The following CDKL1 variants were observed in gnomAD, a reference collection of about 807,000 sequenced individuals.
CDKL1 encodes cyclin-dependent kinase-like 1.
A neutral mutation model predicts 42.0 loss-of-function variants in CDKL1; 41 were observed. The ratio of observed to expected loss-of-function variants is 0.98; its 90% CI spans 0.76 to 1.27. The LOEUF (loss-of-function observed/expected upper bound fraction) is 1.27. CDKL1 is among the 50% of genes most tolerant of loss of function. CDKL1 has a pLI of 0.00. For synonymous variants in CDKL1, 153 were observed against 158.6 expected (o/e 0.96, Z 0.26); for missense variants, 394 against 428.4 (o/e 0.92, Z 0.71).
In CDKL1 at chr14:50,390,080, C is replaced by A. The variant is rs551280005; in HGVS notation, c.168+5621G>T. Reference sequence around the variant, plus strand: ...AGTGTAATTTGTGCATCCTAAGTAACAATGATACTTGGCAGTTTGTCCAAA... The same window carrying A: ...AGTGTAATTTGTGCATCCTAAGTAAAAATGATACTTGGCAGTTTGTCCAAA... On this transcript the variant is annotated intron_variant, in intron 2 of 9. Coordinates refer to ENST00000395834, the MANE Select transcript of CDKL1 (RefSeq NM_004196.7). 5.8e-6 allele frequency: 6 copies of A among 1,036,234 alleles called. No individual in the cohort carries two copies. In the East Asian group the frequency reaches 2.9e-4, roughly 50 times the overall value. 64.2% of individuals were successfully genotyped at this position (1,036,234 alleles called of 1,614,324 possible).
At position 50,329,675 on chromosome 14, in the gene CDKL1, C is replaced by G. The variant is rs2032832671; in HGVS notation, c.*399G>C. 6.1e-6 allele frequency: 1 copy of G among 164,262 alleles called. No homozygotes were observed. The highest frequency in any genetic ancestry group is 2.4e-5 in the African/African-American group (1 of 41,498). The allele number at this position is 164,262 out of a possible 1,614,324, so 10.2% of individuals were successfully genotyped here. Reference sequence around the variant, plus strand: ...AATCTGAGAGGCAGGAGATAGGACTCAGGCAACAGAGATCCGAGGAAATAT... The same window carrying G: ...AATCTGAGAGGCAGGAGATAGGACTGAGGCAACAGAGATCCGAGGAAATAT... On this transcript the variant is annotated 3_prime_UTR_variant, in exon 10 of 10. Coordinates refer to ENST00000395834, the MANE Select transcript of CDKL1 (RefSeq NM_004196.7).
In CDKL1 at chr14:50,373,745, T is replaced by A. The variant is rs193245450; in HGVS notation, c.169-14596A>T. On this transcript the variant is annotated intron_variant, in intron 2 of 9. Transcript: ENST00000395834. Reference sequence around the variant, plus strand: ...AGATACCATTACACACCTATTAGAATGGCTAAAATCCCCCAAAAAGCTGAT... The same window carrying A: ...AGATACCATTACACACCTATTAGAAAGGCTAAAATCCCCCAAAAAGCTGAT... Among the ~76,000 whole-genome samples, 12 of 152,292 alleles carry A rather than the reference T, an allele frequency of 7.9e-5. No homozygotes were observed. In the East Asian group the frequency reaches 2.3e-3, roughly 29 times the overall value.
At chr14:50,366,907 A>G (rs1424167927) in intron 2 of CDKL1, among the ~76,000 whole-genome samples, 1 of 152,124 alleles carries the variant, frequency 6.6e-6, no homozygotes, top group African/African-American at 2.4e-5. Context: ...GCTTTGTCTC[A>G]TTGAATTGGT....
intron 2 of CDKL1, among the ~76,000 whole-genome samples, chr14:50,383,478 G>A (rs533396427): frequency 1.3e-5 from 2 of 151,690 alleles, no homozygotes; most frequent in African/African-American, 4.8e-5. Flanking sequence ...TGAACCTGCG[G>A]GGAGGAGGAG....
intron 2 of CDKL1, among the ~76,000 whole-genome samples, chr14:50,386,083 C>CA (rs1332864828): frequency 1.3e-5 from 2 of 151,178 alleles, no homozygotes; most frequent in Non-Finnish European, 2.9e-5. Flanking sequence ...ATGGCTCAGC[C>CA]AAAAAAGTAT....
intron 2 of CDKL1, among the ~76,000 whole-genome samples, chr14:50,393,894 A>G (rs1313064767): frequency 8.5e-5 from 13 of 152,196 alleles, no homozygotes; most frequent in Admixed American, 8.5e-4. Context: ...TATTGGCAAC[A>G]TCCACCTTTG....
At chr14:50,350,623 G>A (rs1433743760) in intron 3 of CDKL1, among the ~76,000 whole-genome samples, 1 of 152,180 alleles carries the variant, frequency 6.6e-6, no homozygotes, top group Non-Finnish European at 1.5e-5. Flanking sequence ...TGGGCCTTTT[G>A]GACTCCCAGC....
intron 2 of CDKL1, among the ~76,000 whole-genome samples, chr14:50,384,723 T>C (rs1347835766): frequency 6.6e-6 from 1 of 150,886 alleles, no homozygotes; most frequent in African/African-American, 2.4e-5. Flanking sequence ...CTAATGAGTG[T>C]AGAAAGAATT....
intron 4 of CDKL1, 160 bp from the exon 5 acceptor site, chr14:50,342,382 TGCCTGTCAGA>T (rs2033576314): frequency 1.4e-6 from 2 of 1,401,874 alleles, no homozygotes; most frequent in Non-Finnish European, 1.9e-6. Context: ...TCTAGTACCA[TGCCTGTCAGA>T]GCCTGAATCA....
chr14:50,395,654 G>A, intron 2 of CDKL1, 47 bp downstream of exon 2: 2 of 1,324,034 alleles, frequency 1.5e-6, no homozygotes, highest in Non-Finnish European at 2.2e-6. Flanking sequence ...GAGACAGAGT[G>A]AAACCCTGTC....
intron 3 of CDKL1, among the ~76,000 whole-genome samples, chr14:50,349,359 C>G (rs773287677): frequency 1.3e-5 from 2 of 152,190 alleles, no homozygotes; most frequent in African/African-American, 2.4e-5. Flanking sequence ...TTATTTGTTC[C>G]TGTACCTCTC....
rs145883076 is a variant in CDKL1 at position 50,395,745 on chromosome 14, G to A, written c.124C>T (p.Pro42Ser). The change falls in exon 2 of 10, where the codon CCT (proline) becomes TCT (serine). Residue 42 changes from proline to serine, a missense_variant. Physicochemically the swap from Pro to Ser is moderately conservative, Grantham distance 74. Transcript: ENST00000395834. ...CGAAGGGCAATTTTCTTTATGACAG[G>A]GTCATCTTCTGATTCCAGAAACTTC... ...IKKFLESEDD[P>S]VIKKIALREI... 9.0e-4 allele frequency: 1,451 copies of A among 1,613,728 alleles called. 19 individuals are homozygous for A. The African/African-American group carries it at 0.017, about 19-fold the overall frequency.
chr14:50,349,563 G>A (rs949664497), intron 3 of CDKL1, among the ~76,000 whole-genome samples: 1 of 152,190 alleles, frequency 6.6e-6, no homozygotes, highest in Admixed American at 6.5e-5. Context: ...ACAGGACAGT[G>A]TGACCCAAGA....
At chr14:50,367,310 G>A (rs1257087437) in intron 2 of CDKL1, among the ~76,000 whole-genome samples, 1 of 152,210 alleles carries the variant, frequency 6.6e-6, no homozygotes, top group Non-Finnish European at 1.5e-5. Context: ...CGGTATCGGT[G>A]CAGTGGTGAG....
chr14:50,382,959 G>A (rs370215395), intron 2 of CDKL1, among the ~76,000 whole-genome samples: 16 of 148,002 alleles, frequency 1.1e-4, no homozygotes, highest in African/African-American at 2.5e-4. Context: ...ACGGAGTCTC[G>A]CTCTGTTGCC....
chr14:50,383,192 G>A (rs2034972100), intron 2 of CDKL1, among the ~76,000 whole-genome samples: 1 of 151,946 alleles, frequency 6.6e-6, no homozygotes, highest in African/African-American at 2.4e-5. Flanking sequence ...CTCCCAAAGT[G>A]CTGGAATTAC....
At position 50,334,612 on chromosome 14, in the gene CDKL1, C is replaced by G. The variant is rs753838614; in HGVS notation, c.748G>C (p.Glu250Gln). 1.3e-6 allele frequency: 2 copies of G among 1,592,842 alleles called. No homozygotes were observed. The highest frequency in any genetic ancestry group is 2.2e-5 in the South Asian group (2 of 90,678). Residue 250 changes from glutamate to glutamine, a missense_variant, in exon 8 of 10, where the codon GAA becomes CAA. Physicochemically the swap from Glu to Gln is conservative, Grantham distance 29 (BLOSUM62 2). Coordinates refer to ENST00000395834, the MANE Select transcript of CDKL1 (RefSeq NM_004196.7). Reference sequence around the variant, plus strand: ...TAAGAGATGTTTGGGAATTTTAATTCAAGTGGTTCCTGTTGAAAAGAAAAG... The same window carrying G: ...TAAGAGATGTTTGGGAATTTTAATTGAAGTGGTTCCTGTTGAAAAGAAAAG... ...IPDPEDMEPL[E>Q]LKFPNISYPA... is the part of the protein sequence containing the mutation.
intron 2 of CDKL1, among the ~76,000 whole-genome samples, chr14:50,361,462 CT>C (rs1163100330): frequency 3.9e-5 from 6 of 152,326 alleles, no homozygotes; most frequent in East Asian, 3.8e-4. Context: ...AAGAACAGAA[CT>C]TTTTTTCTTA....
At chr14:50,366,588 G>A (rs553282245) in intron 2 of CDKL1, among the ~76,000 whole-genome samples, 9 of 152,338 alleles carry the variant, frequency 5.9e-5, no homozygotes, top group African/African-American at 1.7e-4. Flanking sequence ...TACAGCAACA[G>A]GATATAGAAT....
Sources: allele counts gnomAD v4.1 joint callset (sites outside exome capture counted in the v4.1 genomes callset), GRCh38; gene constraint gnomAD v4.1.1; transcripts MANE v1.5; gene names NCBI Gene and HGNC (gene_info 2026-07-23, HGNC 2026-07-21).